Variants in MYT1L observed in about 807,000 individuals in gnomAD.
MYT1L encodes the protein myelin transcription factor 1 like.
MYT1L carries 12 observed loss-of-function variants against 126.7 expected under a neutral mutation model. That is an observed-to-expected ratio of 0.09 (90% confidence interval 0.06 to 0.15). The LOEUF is 0.15. Ranked by LOEUF, MYT1L falls within the 10% of genes least tolerant of loss-of-function variation. MYT1L has a pLI of 1.00. For synonymous variants in MYT1L, 541 were observed against 604.2 expected (o/e 0.90, Z 1.53); for missense variants, 979 against 1,585.2 (o/e 0.62, Z 6.49).
intron 2 of MYT1L, among the ~76,000 whole-genome samples, chr2:2,268,631 A>G (rs946655965): frequency 2.6e-5 from 4 of 152,148 alleles, no homozygotes; most frequent in African/African-American, 9.7e-5. Context: ...TCAACTGGAA[A>G]ACCACGCCAG....
chr2:1,823,315 T>C (rs767586977), intron 21 of MYT1L, among the ~76,000 whole-genome samples: 2 of 152,198 alleles, frequency 1.3e-5, no homozygotes, highest in Non-Finnish European at 2.9e-5. Context: ...GTGAGGCTGT[T>C]GTTGCTGTGG....
chr2:2,154,127 G>A (rs1157683878), intron 3 of MYT1L, among the ~76,000 whole-genome samples: 2 of 152,172 alleles, frequency 1.3e-5, no homozygotes, highest in Non-Finnish European at 2.9e-5. Flanking sequence ...ACTTCCGCCT[G>A]AGGTTTACGT....
intron 2 of MYT1L, among the ~76,000 whole-genome samples, chr2:2,214,257 T>TTATCTATCTATC (rs61708071): frequency 3.0e-4 from 44 of 147,436 alleles, no homozygotes; most frequent in South Asian, 4.3e-4. Context: ...ATGAGACAAA[T>TTATCTATCTATC]TATCTATCTA....
intron 2 of MYT1L, among the ~76,000 whole-genome samples, chr2:2,275,514 C>G (rs978700143): frequency 3.3e-5 from 5 of 152,038 alleles, no homozygotes; most frequent in African/African-American, 1.2e-4. Context: ...ATGAGAAGAA[C>G]AAAACCAGGA....
chr2:1,972,481 T>C (rs538226174), intron 8 of MYT1L, among the ~76,000 whole-genome samples: 5 of 152,252 alleles, frequency 3.3e-5, no homozygotes, highest in Non-Finnish European at 5.9e-5. Flanking sequence ...CTGTTTCTTC[T>C]TTTTTTATTT....
chr2:2,245,021 A>T (rs1232894912), intron 2 of MYT1L, among the ~76,000 whole-genome samples: 1 of 152,252 alleles, frequency 6.6e-6, no homozygotes, highest in Admixed American at 6.5e-5. Flanking sequence ...ACAGGAATGG[A>T]CAATTGGTGT....
intron 2 of MYT1L, among the ~76,000 whole-genome samples, chr2:2,231,891 G>A (rs1354848909): frequency 6.6e-6 from 1 of 152,086 alleles, no homozygotes; most frequent in Non-Finnish European, 1.5e-5. Flanking sequence ...TTGTTCTTTA[G>A]ATTCTGGTTT....
In MYT1L at chr2:1,867,037, G is replaced by C. The variant is rs374842937; in HGVS notation, c.2712-15334C>G. On this transcript the variant is annotated intron_variant, in intron 18 of 24. Coordinates refer to ENST00000647738, the MANE Select transcript of MYT1L (RefSeq NM_001303052.2). ...GAGGGATGGGGGAGAGAGGGAGAGG[G>C]GCAGCCAGGGAGAGAGGGTTGGGGG... Among the ~76,000 whole-genome samples the C allele has an allele frequency of 9.6e-4, 132 of 137,710 alleles. 1 individual carries two copies. The highest frequency in any genetic ancestry group is 7.9e-3 in the South Asian group (29 of 3,670). 90.3% of individuals were successfully genotyped at this position (137,710 alleles called of 152,430 possible).
At chr2:2,184,043 GAAAA>G (rs1463410515) in intron 2 of MYT1L, among the ~76,000 whole-genome samples, 32 of 145,822 alleles carry the variant, frequency 2.2e-4, no homozygotes, top group African/African-American at 7.6e-4. Flanking sequence ...GAGAGAAAAA[GAAAA>G]AGAAAGAAAG....
intron 2 of MYT1L, among the ~76,000 whole-genome samples, chr2:2,239,857 TG>T (rs1388413968): frequency 1.3e-4 from 19 of 151,444 alleles, no homozygotes; most frequent in African/African-American, 4.4e-4. Context: ...AGAGCTGCTG[TG>T]GGGAGCTCTT....
At chr2:1,805,501 C>T (rs2035551122) in intron 22 of MYT1L, among the ~76,000 whole-genome samples, 1 of 152,210 alleles carries the variant, frequency 6.6e-6, no homozygotes, top group African/African-American at 2.4e-5. Flanking sequence ...CCTATAATCC[C>T]AGCACTTTGG....
At position 2,224,568 on chromosome 2, in the gene MYT1L, T is replaced by G. The variant is rs1266951977; in HGVS notation, c.-420-51580A>C. Among the ~76,000 whole-genome samples the G allele has an allele frequency of 6.6e-6, 1 of 152,010 alleles. No individual in the cohort carries two copies. Among genetic ancestry groups the G allele is most frequent in the Non-Finnish European group, 1.5e-5 (1 of 68,002 alleles). ...GGCACGGTGGCTGAAGCCTGTAATC[T>G]CAACACTTTGGGAGGTCAAGACGGG... On this transcript the variant is annotated intron_variant, in intron 2 of 24. Transcript: ENST00000647738. The surrounding 1 kb of genome is among the most constrained non-coding windows in gnomAD (Gnocchi z 4.0).
In MYT1L at chr2:1,852,443, G is replaced by A. The variant is rs939462039; in HGVS notation, c.2712-740C>T. Among the ~76,000 whole-genome samples, 4 of 152,056 alleles carry A rather than the reference G, an allele frequency of 2.6e-5. No individual in the cohort carries two copies. The highest frequency in any genetic ancestry group is 2.1e-4 in the South Asian group (1 of 4,816). On this transcript the variant is annotated intron_variant, in intron 18 of 24. Coordinates refer to ENST00000647738, the MANE Select transcript of MYT1L (RefSeq NM_001303052.2). The surrounding 1 kb of genome is among the most constrained non-coding windows in gnomAD (Gnocchi z 4.0). Reference sequence around the variant, plus strand: ...AAGCCTACCGAGGCAACCCCATCCCGTTTCTTAATTAAGGTCTTGCTATTT... The same window carrying A: ...AAGCCTACCGAGGCAACCCCATCCCATTTCTTAATTAAGGTCTTGCTATTT...
chr2:2,076,230 C>T (rs2075212021), intron 3 of MYT1L, among the ~76,000 whole-genome samples: 1 of 152,152 alleles, frequency 6.6e-6, no homozygotes, highest in South Asian at 2.1e-4. Flanking sequence ...TGGGAATCTA[C>T]AAGGCTGTGT....
intron 1 of MYT1L, among the ~76,000 whole-genome samples, chr2:2,315,980 TC>T (rs1028704596): frequency 1.3e-5 from 2 of 152,218 alleles, no homozygotes; most frequent in African/African-American, 4.8e-5. Flanking sequence ...AGAGAAAAGT[TC>T]CACATGTAGA....
At chr2:1,956,195 A>G (rs74188966) in intron 8 of MYT1L, among the ~76,000 whole-genome samples, 8,260 of 79,260 alleles carry the variant, frequency 0.1, 853 homozygotes, top group African/African-American at 0.35. Context: ...CTAGCTGTCT[A>G]TCTATCTATC....
intron 9 of MYT1L, among the ~76,000 whole-genome samples, chr2:1,930,829 C>T (rs1349863174): frequency 9.9e-5 from 15 of 152,104 alleles, no homozygotes; most frequent in African/African-American, 9.7e-5. Flanking sequence ...TATAGGTAAA[C>T]GCGTGTTGCA....
intron 3 of MYT1L, among the ~76,000 whole-genome samples, chr2:2,086,672 C>T (rs1328625680): frequency 1.3e-5 from 2 of 152,158 alleles, no homozygotes; most frequent in South Asian, 4.1e-4. Context: ...AGCAAAGGAG[C>T]CCCGGTGACC....
At chr2:1,857,349 CTCTG>C (rs770650375) in intron 18 of MYT1L, among the ~76,000 whole-genome samples, 4 of 152,192 alleles carry the variant, frequency 2.6e-5, no homozygotes, top group South Asian at 2.1e-4. Context: ...AATGTTTCAG[CTCTG>C]TCTGGATTAA....
Sources: allele counts gnomAD v4.1 joint callset (sites outside exome capture counted in the v4.1 genomes callset), GRCh38; gene constraint gnomAD v4.1.1; non-coding constraint Gnocchi (gnomAD v3.1); transcripts MANE v1.5; gene names NCBI Gene and HGNC (gene_info 2026-07-23, HGNC 2026-07-21).